MTMR4: variants seen among roughly 807,000 people sequenced by gnomAD.
The protein encoded by MTMR4 is myotubularin related protein 4, also known as phosphatidylinositol-3,5-bisphosphate 3-phosphatase MTMR4.
MTMR4 carries 30 observed loss-of-function variants against 125.5 expected under a neutral mutation model. The observed-to-expected ratio is 0.24, with a 90% CI of 0.18 to 0.32. The LOEUF (loss-of-function observed/expected upper bound fraction) is 0.32. Among genes scored for constraint, MTMR4 ranks in the 10% least tolerant of loss-of-function variants. MTMR4 has a pLI of 1.00. For synonymous variants in MTMR4, 498 were observed against 564.5 expected, an observed-to-expected ratio of 0.88 and a Z score of 1.67; for missense variants, 1,039 against 1,511.5, an observed-to-expected ratio of 0.69 and a Z score of 5.18.
In MTMR4 at chr17:58,514,497, G is replaced by A; in HGVS notation, c.-90C>T. 3 of 985,162 alleles carry A rather than the reference G, an allele frequency of 3.0e-6. No homozygotes were observed. The highest frequency in any genetic ancestry group is 3.6e-6 in the Non-Finnish European group (3 of 829,892). The allele number at this position is 985,162 out of a possible 1,614,324, so 61.0% of individuals were successfully genotyped here. A position where few individuals can be genotyped will look rare whatever the true frequency, so the allele number is the denominator to read the frequency against. ...GCGCCCGCCGCATCCCGGCTGCGGG[G>A]CTCGCCAGGTGCAGCCGCGGCGGCC... On this transcript the variant is annotated 5_prime_UTR_variant, in exon 1 of 18. Transcript: ENST00000682306.
In MTMR4 at chr17:58,492,838, A is replaced by C; in HGVS notation, c.3363+4T>G. On this transcript the variant is annotated splice_donor_region_variant and intron_variant, in intron 16 of 17. Coordinates refer to ENST00000682306, the MANE Select transcript of MTMR4 (RefSeq NM_001378067.1). ...GTACCCACCACATATGTGCCTAAAC[A>C]TACCTCAGTCTCTTTCTTATCAACA... The C allele has an allele frequency of 3.1e-6, 5 of 1,613,320 alleles. No individual in the cohort carries two copies. Among genetic ancestry groups the C allele is most frequent in the Non-Finnish European group, 4.2e-6 (5 of 1,179,242 alleles).
Position 58,512,129 on chromosome 17 carries a change from G to A in MTMR4, c.252+261C>T, listed in dbSNP as rs1172247050. On this transcript the variant is annotated intron_variant, in intron 3 of 17. Coordinates refer to ENST00000682306, the MANE Select transcript of MTMR4 (RefSeq NM_001378067.1). This position sits in a 1 kb window ranked among gnomAD's most constrained non-coding sequence, Gnocchi z 4.1. ...AGCCCCCGAGTAGGTGGGATTACAGGTGCGCACCACCAAGCCCGACTAATT... is the reference window on the plus strand; with the variant it reads ...AGCCCCCGAGTAGGTGGGATTACAGATGCGCACCACCAAGCCCGACTAATT... 1.3e-5 allele frequency among the ~76,000 whole-genome samples: 2 copies of A among 152,072 alleles called. No individual in the cohort carries two copies. Among genetic ancestry groups the A allele is most frequent in the Non-Finnish European group, 2.9e-5 (2 of 68,006 alleles).
chr17:58,516,699 C>T, upstream of MTMR4: 2 of 1,198,762 alleles, frequency 1.7e-6, no homozygotes, highest in Non-Finnish European at 2.5e-6. Context: ...ACATCTACCC[C>T]TGACCTTCTC....
At position 58,495,717 on chromosome 17, in the gene MTMR4, G is replaced by A. The variant is rs754584846; in HGVS notation, c.2467C>T (p.His823Tyr). 1 of 1,614,204 alleles carries A rather than the reference G, an allele frequency of 6.2e-7. No homozygotes were observed. The highest frequency in any genetic ancestry group is 8.5e-7 in the Non-Finnish European group (1 of 1,180,048). ...GGGTTGCAAACGGTGCTGAGGCTGT[G>A]ATCAAGAACACACTTGGAGGGCACA... ...LGVPSKCVLD[H>Y]SLSTVCNPPS... is the part of the protein sequence containing the mutation. The change falls in exon 15 of 18, where the codon CAC becomes TAC. Residue 823 changes from histidine (H) to tyrosine (Y), a missense_variant. Physicochemically the swap from His to Tyr is moderately conservative, Grantham distance 83. This residue lies in a region of MTMR4 where 619 missense variants were observed against 714.5 expected (regional missense o/e 0.87). Coordinates refer to ENST00000682306, the MANE Select transcript of MTMR4 (RefSeq NM_001378067.1).
At chr17:58,506,246 G>A (rs1379470969) in intron 9 of MTMR4, among the ~76,000 whole-genome samples, 1 of 152,184 alleles carries the variant, frequency 6.6e-6, no homozygotes, top group Non-Finnish European at 1.5e-5. Context: ...GCAGTGGCAT[G>A]ATATCAGCTC....
At chr17:58,500,950 T>C (rs1029167803) in intron 14 of MTMR4, among the ~76,000 whole-genome samples, 6 of 151,948 alleles carry the variant, frequency 3.9e-5, no homozygotes, top group Non-Finnish European at 5.9e-5. Context: ...GTTAATGAAA[T>C]GATTATTAAA....
upstream of MTMR4, among the ~76,000 whole-genome samples, chr17:58,517,151 G>A (rs2042028595): frequency 6.6e-6 from 1 of 152,232 alleles, no homozygotes; most frequent in Non-Finnish European, 1.5e-5. Flanking sequence ...GTGATCAGAG[G>A]GCAGCAGGGC....
chr17:58,517,144 A>G (rs1406076628), upstream of MTMR4, among the ~76,000 whole-genome samples: 1 of 152,218 alleles, frequency 6.6e-6, no homozygotes, highest in African/African-American at 2.4e-5. Flanking sequence ...ACAACCTGTG[A>G]TCAGAGGGCA....
rs1975720763 is a variant in MTMR4 at position 58,504,279 on chromosome 17, G to A, written c.1527+24C>T. 6.2e-7 allele frequency: 1 copy of A among 1,606,848 alleles called. No individual in the cohort carries two copies. The highest frequency in any genetic ancestry group is 8.5e-7 in the Non-Finnish European group (1 of 1,173,832). Reference sequence around the variant, plus strand: ...TCGGGCTGTCATTCCCCCCATCCCTGTTGTCACAGGCCTTAGGACTTACCA... The same window carrying A: ...TCGGGCTGTCATTCCCCCCATCCCTATTGTCACAGGCCTTAGGACTTACCA... On this transcript the variant is annotated intron_variant, in intron 12 of 17. Coordinates refer to ENST00000682306, the MANE Select transcript of MTMR4 (RefSeq NM_001378067.1). The surrounding 1 kb of genome is among the most constrained non-coding windows in gnomAD (Gnocchi z 7.1).
At position 58,504,728 on chromosome 17, in the gene MTMR4, T is replaced by G. The variant is rs1314157898; in HGVS notation, c.1341+51A>C. 7.1e-6 allele frequency: 11 copies of G among 1,549,358 alleles called. No homozygotes were observed. Among genetic ancestry groups the G allele is most frequent in the Non-Finnish European group, 9.7e-6 (11 of 1,139,860 alleles). On this transcript the variant is annotated intron_variant, in intron 11 of 17. Coordinates refer to ENST00000682306, the MANE Select transcript of MTMR4 (RefSeq NM_001378067.1). This position sits in a 1 kb window ranked among gnomAD's most constrained non-coding sequence, Gnocchi z 7.1. ...GGACAGATCCAGAGGGCTCAACACC[T>G]TCCCTCCTGCCACATTCCTTCTGGT...
chr17:58,495,012 G>A lies in MTMR4; in HGVS notation c.3172C>T (p.Arg1058Cys), dbSNP rs201315273. The A allele has an allele frequency of 1.5e-5, 24 of 1,614,186 alleles. No homozygotes were observed. The East Asian group carries it at 3.1e-4, about 21-fold the overall frequency. ...ATGTCCAGCCTCATCTGAAGCTCAC[G>A]CACCTGTCGACGTAGCTGCTCCACC... ...QEVEQLRRQV[R>C]ELQMRLDIRH... The change falls in exon 15 of 18, where the codon CGT (arginine) becomes TGT (cysteine). Residue 1058 changes from arginine to cysteine, a missense_variant. By Grantham distance (180) the Arg-to-Cys change is radical. This residue lies in a region of MTMR4 where 619 missense variants were observed against 714.5 expected (regional missense o/e 0.87). Transcript: ENST00000682306.
At position 58,508,127 on chromosome 17, in the gene MTMR4, A is replaced by T. The variant is rs181311147; in HGVS notation, c.707+34T>A. On this transcript the variant is annotated intron_variant, in intron 7 of 17. Transcript: ENST00000682306. This position sits in a 1 kb window ranked among gnomAD's most constrained non-coding sequence, Gnocchi z 4.8. ...TGACTCTTTCCTTGTTGCATAAGAA[A>T]TGGCCTCCCTACTTCCCAGCCCCAC... is the stretch of plus-strand genomic sequence containing the variant. The T allele has an allele frequency of 3.7e-5, 57 of 1,530,358 alleles. No homozygotes were observed. In the Admixed American group the frequency reaches 5.0e-4, roughly 13 times the overall value. The allele number at this position is 1,530,358 out of a possible 1,614,324, so 94.8% of individuals were successfully genotyped here.
chr17:58,514,893 T>G, upstream of MTMR4: 13 of 291,414 alleles, frequency 4.5e-5, no homozygotes, highest in Non-Finnish European at 6.3e-5. Flanking sequence ...CCGCGCCCCC[T>G]CCCCTAAGTT....
chr17:58,511,683 A>G (rs1975936302), intron 3 of MTMR4, among the ~76,000 whole-genome samples, 172 bp from the exon 4 acceptor site: 1 of 152,244 alleles, frequency 6.6e-6, no homozygotes, highest in African/African-American at 2.4e-5. Flanking sequence ...ATCCCAATTA[A>G]TGATCCCAAT....
intron 15 of MTMR4, among the ~76,000 whole-genome samples, chr17:58,494,081 G>A (rs1353010518): frequency 2.0e-5 from 3 of 152,028 alleles, no homozygotes; most frequent in East Asian, 3.9e-4. Flanking sequence ...TTGGGAGGCC[G>A]AGGTGGGCGG....
Position 58,508,169 on chromosome 17 carries a change from A to G in MTMR4, c.699T>C (p.Val233=), listed in dbSNP as rs1445272415. 6.2e-7 allele frequency: 1 copy of G among 1,613,444 alleles called. No homozygotes were observed. Among genetic ancestry groups the G allele is most frequent in the South Asian group, 1.1e-5 (1 of 91,062 alleles). ...CAGCCCCACTGCCTCACCTATACAC[A>G]ACCACGGGAATCCGCTTCCAGGAGC... is the stretch of plus-strand genomic sequence containing the variant. ...SFRSWKRIPV[V]VYRHLRNGAA... is the part of the protein sequence containing the mutation. Residue 233 remains valine, a synonymous_variant, in exon 7 of 18, where the codon GTT becomes GTC. Transcript: ENST00000682306. This position sits in a 1 kb window ranked among gnomAD's most constrained non-coding sequence, Gnocchi z 4.8.
In MTMR4 at chr17:58,503,733, G is replaced by A. The variant is rs1164987865; in HGVS notation, c.1853+11C>T. ...GTGGAGAGAGGAGAAAGGAAGAAGG[G>A]CTTTTCTTACCTGTCCAGAGAGCGG... is the stretch of plus-strand genomic sequence containing the variant. On this transcript the variant is annotated intron_variant, in intron 14 of 17. Transcript: ENST00000682306. 6.2e-7 allele frequency: 1 copy of A among 1,608,954 alleles called. No individual in the cohort carries two copies. The highest frequency in any genetic ancestry group is 1.7e-5 in the Admixed American group (1 of 59,104).
intron 9 of MTMR4, 52 bp from the exon 10 acceptor site, chr17:58,505,635 C>A: frequency 7.6e-7 from 1 of 1,320,514 alleles, no homozygotes; most frequent in Non-Finnish European, 1.1e-6. Context: ...AGGCCGGGCG[C>A]GGTGGCTCAC....
rs778984551 is a variant in MTMR4, at chr17:58,490,111, G to T, written c.*1552C>A. On this transcript the variant is annotated 3_prime_UTR_variant, in exon 18 of 18. Transcript: ENST00000682306. ...AGATGCGTCTCTGTAGGACTGAAAA[G>T]GTCAGGACAAATAATGATTCTTGTT... is the stretch of plus-strand genomic sequence containing the variant. 1 of 152,518 alleles carries T rather than the reference G, an allele frequency of 6.6e-6. No individual in the cohort carries two copies. Among genetic ancestry groups the T allele is most frequent in the Non-Finnish European group, 1.5e-5 (1 of 68,036 alleles). The allele number at this position is 152,518 out of a possible 1,614,324, so 9.4% of individuals were successfully genotyped here. A position where few individuals can be genotyped will look rare whatever the true frequency, so the allele number is the denominator to read the frequency against.
Sources: gnomAD v4.1 joint callset for allele counts (sites outside exome capture counted in the v4.1 genomes callset) on GRCh38, gnomAD v4.1.1 for gene constraint, gnomAD v4.1.1 regional missense constraint, Gnocchi (gnomAD v3.1) non-coding constraint, MANE v1.5 for transcripts, NCBI Gene and HGNC (gene_info 2026-07-23, HGNC 2026-07-21) for gene names.